The following SLC52A1 variants were observed in gnomAD, a reference collection of about 807,000 sequenced individuals.
SLC52A1 encodes solute carrier family 52 member 1.
A neutral mutation model predicts 23.2 loss-of-function variants in SLC52A1; 20 were observed. That is an observed-to-expected ratio of 0.86 (90% CI 0.61 to 1.25). The LOEUF (loss-of-function observed/expected upper bound fraction) is 1.25. Among genes scored for constraint, SLC52A1 ranks in the 50% most tolerant of loss-of-function variants. The probability of loss-of-function intolerance (pLI) is 0.00; values close to 1 mark genes in which losing one functional copy is unlikely to be tolerated. For synonymous variants in SLC52A1, 260 were observed against 256.6 expected, an observed-to-expected ratio of 1.01 and a Z score of -0.13; for missense variants, 528 against 557.0, an observed-to-expected ratio of 0.95 and a Z score of 0.52.
In SLC52A1 at chr17:5,033,914, G is replaced by A; in HGVS notation, c.575C>T (p.Pro192Leu). 1 of 1,614,220 alleles carries A rather than the reference G, an allele frequency of 6.2e-7. No homozygotes were observed. The highest frequency in any genetic ancestry group is 1.1e-5 in the South Asian group (1 of 91,088). ...CAGTGCCCAGAAGAAGGTGCTGGCA[G>A]GAAAACGCTCAGGGAAGTCGAGGGG... is the stretch of plus-strand genomic sequence containing the variant. Reference protein sequence around the residue: ...GPPLDFPERFPASTFFWALTA... With the variant: ...GPPLDFPERFLASTFFWALTA... Residue 192 changes from proline to leucine, a missense_variant, in exon 3 of 5, where the codon CCT (proline) becomes CTT (leucine). Pro to Leu is a moderately conservative substitution (Grantham distance 98). Coordinates refer to ENST00000254853, the MANE Select transcript of SLC52A1 (RefSeq NM_017986.4).
intron 1 of SLC52A1, among the ~76,000 whole-genome samples, chr17:5,042,209 GGCTGGCCTT>G (rs1299610656): frequency 6.6e-6 from 1 of 152,172 alleles, no homozygotes; most frequent in Admixed American, 6.6e-5. Context: ...TGGGGCACGG[GGCTGGCCTT>G]ACAGTAAGCA....
chr17:5,034,949 C>A lies in SLC52A1; in HGVS notation c.-196G>T. 1 of 255,400 alleles carries A rather than the reference C, an allele frequency of 3.9e-6. No homozygotes were observed. Among genetic ancestry groups the A allele is most frequent in the Non-Finnish European group, 7.8e-6 (1 of 127,446 alleles). The allele number at this position is 255,400 out of a possible 1,614,324, so 15.8% of individuals were successfully genotyped here. ...AAAGCTGGCCCGAGGTGCAGCTGCCCCAGAGGAGCAAAGAGGGAGCTGATT... is the reference window on the plus strand; with the variant it reads ...AAAGCTGGCCCGAGGTGCAGCTGCCACAGAGGAGCAAAGAGGGAGCTGATT... On this transcript the variant is annotated 5_prime_UTR_variant, in exon 1 of 5. Coordinates refer to ENST00000254853, the MANE Select transcript of SLC52A1 (RefSeq NM_017986.4).
intron 4 of SLC52A1, 39 bp from the exon 5 acceptor site, chr17:5,033,208 G>A (rs1460310230): frequency 1.2e-6 from 2 of 1,612,818 alleles, no homozygotes; most frequent in Middle Eastern, 1.7e-4. Flanking sequence ...AGCATGACAT[G>A]CACTTGCTCC....
At chr17:5,038,922 G>C (rs984338214), upstream of SLC52A1, among the ~76,000 whole-genome samples, 15 of 152,080 alleles carry the variant, frequency 9.9e-5, no homozygotes, top group Admixed American at 5.9e-4. Flanking sequence ...GCCAGGTACT[G>C]GCATAAATAT....
chr17:5,032,931 G>A lies in SLC52A1; in HGVS notation c.*26C>T. On this transcript the variant is annotated 3_prime_UTR_variant, in exon 5 of 5. Coordinates refer to ENST00000254853, the MANE Select transcript of SLC52A1 (RefSeq NM_017986.4). ...GCCTCACGATGAAGACAGGTGGGGTGGAGTTGGGTCCCCACCTGCCCAGGC... is the reference window on the plus strand; with the variant it reads ...GCCTCACGATGAAGACAGGTGGGGTAGAGTTGGGTCCCCACCTGCCCAGGC... 2 of 1,589,622 alleles carry A rather than the reference G, an allele frequency of 1.3e-6. No individual in the cohort carries two copies. Among genetic ancestry groups the A allele is most frequent in the African/African-American group, 2.7e-5 (2 of 74,580 alleles).
upstream of SLC52A1, among the ~76,000 whole-genome samples, chr17:5,039,728 T>G (rs1975522786): frequency 6.6e-6 from 1 of 152,192 alleles, no homozygotes; most frequent in Non-Finnish European, 1.5e-5. Context: ...CGCCTCGGCC[T>G]CCCAAACTGT....
intron 1 of SLC52A1, among the ~76,000 whole-genome samples, chr17:5,040,799 CTT>C (rs373726723): frequency 5.5e-5 from 8 of 144,196 alleles, no homozygotes; most frequent in Admixed American, 7.0e-5. Context: ...CCGAATAGCA[CTT>C]TTTTTTTTTT....
chr17:5,038,509 AG>A (rs1437713988), upstream of SLC52A1, among the ~76,000 whole-genome samples: 6 of 152,166 alleles, frequency 3.9e-5, no homozygotes, highest in African/African-American at 1.4e-4. Flanking sequence ...GGTCACATTT[AG>A]TTTCCCACAG....
upstream of SLC52A1, among the ~76,000 whole-genome samples, chr17:5,036,474 C>T (rs1360376857): frequency 1.5e-5 from 2 of 131,680 alleles, no homozygotes; most frequent in African/African-American, 2.9e-5. Context: ...TGCAGTGGCG[C>T]GATCTCGGCT....
In SLC52A1 at chr17:5,034,468, C is replaced by T; in HGVS notation, c.130+9G>A. 1 of 1,614,220 alleles carries T rather than the reference C, an allele frequency of 6.2e-7. No homozygotes were observed. Among genetic ancestry groups the T allele is most frequent in the South Asian group, 1.1e-5 (1 of 91,088 alleles). On this transcript the variant is annotated intron_variant, in intron 2 of 4. Transcript: ENST00000254853. ...GCCCCACGCTTCCCTGTACCTCCCT[C>T]CCACTCACCCTCTGGAAGGTCTTTT...
At chr17:5,037,692 A>G (rs529950286), upstream of SLC52A1, among the ~76,000 whole-genome samples, 323 of 152,198 alleles carry the variant, frequency 2.1e-3, no homozygotes, top group African/African-American at 7.5e-3. Flanking sequence ...CTGTCTGGCC[A>G]TTTACAGAAC....
At position 5,033,331 on chromosome 17, in the gene SLC52A1, T is replaced by A. The variant is rs750218337; in HGVS notation, c.1064A>T (p.Tyr355Phe). The A allele has an allele frequency of 1.2e-6, 2 of 1,613,180 alleles. No individual in the cohort carries two copies. Among genetic ancestry groups the A allele is most frequent in the South Asian group, 2.2e-5 (2 of 91,052 alleles). ...LSLLGMLFGA[Y>F]LMALAILSPC... ...GCTCAGGATTGCCAGTGCCATCAGG[T>A]AGGCCCCAAAGAGCATGCCCAGCAG... The change falls in exon 4 of 5, where the codon TAC (tyrosine) becomes TTC (phenylalanine). Residue 355 changes from tyrosine (Y) to phenylalanine (F), a missense_variant. Tyr to Phe is a conservative substitution (Grantham distance 22, BLOSUM62 3). Coordinates refer to ENST00000254853, the MANE Select transcript of SLC52A1 (RefSeq NM_017986.4).
chr17:5,038,941 T>C (rs2143453118), upstream of SLC52A1, among the ~76,000 whole-genome samples: 1 of 152,030 alleles, frequency 6.6e-6, no homozygotes, highest in South Asian at 2.1e-4. Flanking sequence ...ATTTAAAAAA[T>C]ATTAACAAAC....
chr17:5,041,181 G>C (rs1335316777), intron 1 of SLC52A1, among the ~76,000 whole-genome samples: 1 of 152,092 alleles, frequency 6.6e-6, no homozygotes, highest in African/African-American at 2.4e-5. Flanking sequence ...GAACTCCTGG[G>C]CTCCAAGTGG....
intron 1 of SLC52A1, among the ~76,000 whole-genome samples, chr17:5,040,494 G>C (rs770105833): frequency 2.0e-4 from 31 of 152,284 alleles, no homozygotes; most frequent in Non-Finnish European, 4.0e-4. Context: ...CTTGCGTGGG[G>C]TGAGAGGACT....
intron 1 of SLC52A1, 69 bp downstream of exon 1, chr17:5,034,792 C>G (rs1975419587): frequency 1.6e-6 from 1 of 616,028 alleles, no homozygotes; most frequent in Admixed American, 3.3e-5. Context: ...GGTCAGACTG[C>G]TAAGACCAGG....
upstream of SLC52A1, among the ~76,000 whole-genome samples, chr17:5,035,645 G>T (rs543292545): frequency 6.6e-6 from 1 of 152,192 alleles, no homozygotes; most frequent in Non-Finnish European, 1.5e-5. Flanking sequence ...CCGGGGAGGC[G>T]GCCCAGCCCA....
chr17:5,042,109 G>C (rs1198037090), intron 1 of SLC52A1, among the ~76,000 whole-genome samples: 1 of 152,146 alleles, frequency 6.6e-6, no homozygotes, highest in Non-Finnish European at 1.5e-5. Flanking sequence ...CAATGGTTAG[G>C]GCTTCTATTC....
rs148979394 is a variant in SLC52A1, at chr17:5,032,983, C to T, written c.1321G>A (p.Asp441Asn). ...SIYHVFQSRK[D>N]CVDPCGP The stretch of plus-strand genomic sequence containing the variant: ...CAGGGGCCACAGGGGTCTACACAGT[C>T]CTTTCTGCTTTGAAACACGTGGTAG... The change falls in exon 5 of 5, where the codon GAC (aspartate) becomes AAC (asparagine). Residue 441 changes from aspartate (D) to asparagine (N), a missense_variant. Transcript: ENST00000254853. 6.2e-7 allele frequency: 1 copy of T among 1,613,774 alleles called. No homozygotes were observed. Among genetic ancestry groups the T allele is most frequent in the Non-Finnish European group, 8.5e-7 (1 of 1,180,030 alleles).
Sources: gnomAD v4.1 joint callset for allele counts (sites outside exome capture counted in the v4.1 genomes callset) on GRCh38, gnomAD v4.1.1 for gene constraint, MANE v1.5 for transcripts, NCBI Gene and HGNC (gene_info 2026-07-23, HGNC 2026-07-21) for gene names.